Variants in ATP2B2 observed in about 807,000 individuals in gnomAD.
The protein encoded by ATP2B2 is plasma membrane calcium-transporting ATPase 2.
In ATP2B2, 15 loss-of-function variants were observed where a neutral mutation model predicts 120.0. That is an observed-to-expected ratio of 0.12 (90% CI 0.08 to 0.19). The LOEUF (loss-of-function observed/expected upper bound fraction) is 0.19. Ranked by LOEUF, ATP2B2 falls within the 10% of genes least tolerant of loss-of-function variation. The probability of loss-of-function intolerance (pLI) is 1.00; values close to 1 mark genes in which losing one functional copy is unlikely to be tolerated. For synonymous variants in ATP2B2, 694 were observed against 700.3 expected, an observed-to-expected ratio of 0.99 and a Z score of 0.14; for missense variants, 1,045 against 1,719.8, an observed-to-expected ratio of 0.61 and a Z score of 6.94.
intron 1 of ATP2B2, among the ~76,000 whole-genome samples, chr3:10,690,989 G>C (rs2071651042): frequency 6.6e-6 from 1 of 152,206 alleles, no homozygotes; most frequent in African/African-American, 2.4e-5. Context: ...AGTATTTGCT[G>C]TTTCTTTATT....
At chr3:10,505,949 T>C (rs1689023194), upstream of ATP2B2, among the ~76,000 whole-genome samples, 1 of 151,732 alleles carries the variant, frequency 6.6e-6, no homozygotes, top group Admixed American at 6.6e-5. Context: ...AGGGTAGGGC[T>C]GGGCTGTGCT....
chr3:10,651,750 T>C (rs545192869), intron 1 of ATP2B2, among the ~76,000 whole-genome samples: 1 of 151,476 alleles, frequency 6.6e-6, no homozygotes, highest in East Asian at 1.9e-4. Flanking sequence ...TATGAATGGA[T>C]GGATGGATGG....
intron 1 of ATP2B2, among the ~76,000 whole-genome samples, chr3:10,490,248 C>T (rs1481543180): frequency 6.6e-6 from 1 of 152,226 alleles, no homozygotes; most frequent in Non-Finnish European, 1.5e-5. Context: ...CACGGTCAAA[C>T]CAGCTGGCTC....
chr3:10,683,760 G>GTGTGTATATATATATATATGTATGTATA (rs1446781892), intron 1 of ATP2B2, among the ~76,000 whole-genome samples: 1 of 53,888 alleles, frequency 1.9e-5, no homozygotes, highest in Non-Finnish European at 3.8e-5. Context: ...GTGTGTGTGT[G>GTGTGTATATATATATATATGTATGTATA]TATATATATA....
intron 1 of ATP2B2, among the ~76,000 whole-genome samples, chr3:10,680,203 T>C (rs1278586798): frequency 6.6e-6 from 1 of 152,192 alleles, no homozygotes; most frequent in African/African-American, 2.4e-5. Flanking sequence ...GTTTGCTCTA[T>C]GGCCCTAGGG....
At chr3:10,541,880 T>C (rs2067448158) in intron 2 of ATP2B2, among the ~76,000 whole-genome samples, 1 of 152,198 alleles carries the variant, frequency 6.6e-6, no homozygotes, top group African/African-American at 2.4e-5. Flanking sequence ...TCTCCAATTG[T>C]AATTGTGGTC....
chr3:10,630,047 T>C (rs887960046), intron 1 of ATP2B2, among the ~76,000 whole-genome samples: 2 of 152,218 alleles, frequency 1.3e-5, no homozygotes, highest in African/African-American at 4.8e-5. Flanking sequence ...GCTGGGAGTG[T>C]GGGGCGTTGC....
intron 22 of ATP2B2, among the ~76,000 whole-genome samples, chr3:10,334,533 C>T (rs1194838178): frequency 6.6e-6 from 1 of 152,178 alleles, no homozygotes; most frequent in South Asian, 2.1e-4. Context: ...CCGAGAAATC[C>T]TGGCAGTGAC....
chr3:10,499,541 C>T (rs1297102727), intron 1 of ATP2B2, among the ~76,000 whole-genome samples: 5 of 152,222 alleles, frequency 3.3e-5, no homozygotes, highest in Non-Finnish European at 7.3e-5. Flanking sequence ...CATTTCGGTA[C>T]TTGGCAATTA....
At chr3:10,663,230 T>TATA (rs139249355) in intron 1 of ATP2B2, among the ~76,000 whole-genome samples, 3,682 of 150,358 alleles carry the variant, frequency 0.024, 67 homozygotes, top group South Asian at 0.088. Context: ...GAATTTAAAG[T>TATA]ATAATAATAA....
At chr3:10,434,175 C>T (rs1021968261) in intron 2 of ATP2B2, among the ~76,000 whole-genome samples, 3 of 152,268 alleles carry the variant, frequency 2.0e-5, no homozygotes, top group Non-Finnish European at 2.9e-5. Flanking sequence ...CAGGGCACAA[C>T]TTAAACATGA....
intron 4 of ATP2B2, 73 bp from the exon 5 acceptor site, chr3:10,401,151 G>A (rs2062206521): frequency 7.6e-6 from 12 of 1,582,606 alleles, no homozygotes; most frequent in African/African-American, 1.3e-5. Flanking sequence ...CCTTAAAGGT[G>A]CGATTACCAG....
intron 1 of ATP2B2, among the ~76,000 whole-genome samples, chr3:10,496,691 C>T (rs1456654660): frequency 6.6e-6 from 1 of 152,160 alleles, no homozygotes; most frequent in African/African-American, 2.4e-5. Context: ...CCGCCCCTTC[C>T]CCCGTGACCT....
At chr3:10,698,593 G>A (rs1003156311) in intron 1 of ATP2B2, among the ~76,000 whole-genome samples, 3 of 152,172 alleles carry the variant, frequency 2.0e-5, no homozygotes, top group Admixed American at 6.5e-5. Flanking sequence ...TGCTTTGGGT[G>A]GTGGGGATAG....
intron 1 of ATP2B2, among the ~76,000 whole-genome samples, chr3:10,620,294 C>G (rs1052762205): frequency 1.3e-5 from 2 of 152,144 alleles, no homozygotes; most frequent in African/African-American, 4.8e-5. Context: ...TCCAGACATA[C>G]AAACTGGGAA....
intron 2 of ATP2B2, among the ~76,000 whole-genome samples, chr3:10,572,325 C>T (rs1244542425): frequency 1.3e-5 from 2 of 152,164 alleles, no homozygotes; most frequent in African/African-American, 4.8e-5. Flanking sequence ...AAAACAGACC[C>T]TACCTCCTAG....
chr3:10,503,764 T>G (rs2066488865), intron 1 of ATP2B2, among the ~76,000 whole-genome samples: 1 of 152,264 alleles, frequency 6.6e-6, no homozygotes, highest in African/African-American at 2.4e-5. Flanking sequence ...GTGTGCCTGT[T>G]GTTTTCACAC....
intron 1 of ATP2B2, among the ~76,000 whole-genome samples, chr3:10,631,905 C>T (rs1486682151): frequency 6.6e-6 from 1 of 152,150 alleles, no homozygotes; most frequent in Non-Finnish European, 1.5e-5. Context: ...CTATCTTTAC[C>T]CAAAGTGAGT....
chr3:10,508,405 T>C (rs1431259940), upstream of ATP2B2, among the ~76,000 whole-genome samples: 2 of 152,236 alleles, frequency 1.3e-5, no homozygotes, highest in Non-Finnish European at 2.9e-5. Context: ...TCTACACGTC[T>C]GTCTCCCTCA....
Sources: gnomAD v4.1 joint callset for allele counts (sites outside exome capture counted in the v4.1 genomes callset) on GRCh38, gnomAD v4.1.1 for gene constraint, MANE v1.5 for transcripts, NCBI Gene and HGNC (gene_info 2026-07-23, HGNC 2026-07-21) for gene names.